SLCO1B3: variants seen among roughly 807,000 people sequenced by gnomAD.
SLCO1B3 encodes the protein liver-specific organic anion transporter 2.
A neutral mutation model predicts 71.8 loss-of-function variants in SLCO1B3; 72 were observed. That is an observed-to-expected ratio of 1.00 (90% CI 0.83 to 1.22). The LOEUF (loss-of-function observed/expected upper bound fraction) is 1.22, where lower values mean the gene tolerates loss of function less well. Ranked by LOEUF, SLCO1B3 falls within the 50% of genes most tolerant of loss-of-function variation. The pLI is 0.00. For missense variants in SLCO1B3, 911 were observed against 819.7 expected (o/e 1.11, Z -1.36); for synonymous variants, 298 against 278.4 (o/e 1.07, Z -0.70).
rs1866493232 is a variant in SLCO1B3 at position 20,916,198 on chromosome 12, A to G, written c.2060A>G (p.Asp687Gly). 6.2e-7 allele frequency: 1 copy of G among 1,612,574 alleles called. No homozygotes were observed. Among genetic ancestry groups the G allele is most frequent in the Admixed American group, 1.7e-5 (1 of 60,002 alleles). ...CATTTTGTACCTTCTGCTGGAACAG[A>G]TAGTAAAACATGTAATTTGGACATG... is the stretch of plus-strand genomic sequence containing the variant. Reference protein sequence around the residue: ...GEHFVPSAGTDSKTCNLDMQD... With the variant: ...GEHFVPSAGTGSKTCNLDMQD... The change falls in exon 16 of 16, where the codon GAT becomes GGT. Residue 687 changes from aspartate to glycine, a missense_variant. Asp to Gly is a moderately conservative substitution (Grantham distance 94). Coordinates refer to ENST00000381545, the MANE Select transcript of SLCO1B3 (RefSeq NM_019844.4).
chr12:20,870,001 A>C (rs1416272456), intron 8 of SLCO1B3, among the ~76,000 whole-genome samples: 2 of 152,182 alleles, frequency 1.3e-5, no homozygotes, highest in South Asian at 2.1e-4. Flanking sequence ...CACTTTTCTC[A>C]TTCTTTATTT....
At chr12:20,839,972 T>C (rs1038791687) in intron 3 of SLCO1B3, among the ~76,000 whole-genome samples, 1 of 152,226 alleles carries the variant, frequency 6.6e-6, no homozygotes, top group Non-Finnish European at 1.5e-5. Flanking sequence ...TACTTATTTC[T>C]GCTACAATAT....
chr12:20,833,538 A>G (rs1864590536), intron 3 of SLCO1B3, among the ~76,000 whole-genome samples: 2 of 145,170 alleles, frequency 1.4e-5, no homozygotes. Flanking sequence ...TAGTTTATAT[A>G]TGTATATTGT....
chr12:20,825,524 G>A lies in SLCO1B3; in HGVS notation c.84+9702G>A, dbSNP rs371228662. Reference sequence around the variant, plus strand: ...TAATTTAACAGAATAGGCTGGCCACGGTGGCTCATTCTTGTAATCCAGGTA... The same window carrying A: ...TAATTTAACAGAATAGGCTGGCCACAGTGGCTCATTCTTGTAATCCAGGTA... On this transcript the variant is annotated intron_variant, in intron 3 of 15. Transcript: ENST00000381545. Among the ~76,000 whole-genome samples the A allele has an allele frequency of 1.2e-3, 178 of 152,122 alleles. 4 individuals are homozygous for A. The South Asian group carries it at 0.033, about 28-fold the overall frequency.
chr12:20,901,759 G>T (rs995512884), intron 15 of SLCO1B3: 25 of 317,426 alleles, frequency 7.9e-5, no homozygotes, highest in African/African-American at 5.5e-4. Context: ...GCTAGGATTT[G>T]TACTTGAATC....
At chr12:20,884,118 C>A in intron 13 of SLCO1B3, among the ~76,000 whole-genome samples, 1 of 152,198 alleles carries the variant, frequency 6.6e-6, no homozygotes, top group East Asian at 1.9e-4. Context: ...ATAATTCATT[C>A]CTTTTTTCAC....
In SLCO1B3 at chr12:20,825,735, A is replaced by G. The variant is rs375040335; in HGVS notation, c.84+9913A>G. On this transcript the variant is annotated intron_variant, in intron 3 of 15. Transcript: ENST00000381545. ...AATTGCTTGGATTTGGGAGGCAGAGATTGCAGTGAGTCGAGATTGTGGCAC... is the reference window on the plus strand; with the variant it reads ...AATTGCTTGGATTTGGGAGGCAGAGGTTGCAGTGAGTCGAGATTGTGGCAC... 1.1e-3 allele frequency among the ~76,000 whole-genome samples: 160 copies of G among 144,746 alleles called. 4 individuals carry two copies. In the South Asian group the frequency reaches 0.035, roughly 31 times the overall value. 95.0% of individuals were successfully genotyped at this position (144,746 alleles called of 152,430 possible).
chr12:20,875,243 A>G lies in SLCO1B3; in HGVS notation c.736A>G (p.Arg246Gly), dbSNP rs149427388. Residue 246 changes from arginine (R) to glycine (G), a missense_variant, in exon 9 of 16, where the codon AGA becomes GGA. Transcript: ENST00000381545. The stretch of plus-strand genomic sequence containing the variant: ...TTAACTGTTTCTCCTAGGCACTATC[A>G]GAATAACTCCTAAGGACTCTCGTTG... ...DIGYVDLSTI[R>G]ITPKDSRWVG... 7 of 1,611,974 alleles carry G rather than the reference A, an allele frequency of 4.3e-6. No homozygotes were observed. The African/African-American group carries it at 8.0e-5, about 18-fold the overall frequency.
intron 3 of SLCO1B3, among the ~76,000 whole-genome samples, chr12:20,849,038 ATAG>A (rs1296420420): frequency 6.6e-6 from 1 of 152,124 alleles, no homozygotes; most frequent in East Asian, 1.9e-4. Flanking sequence ...GGTAAACATA[ATAG>A]TAGGGGAAAC....
chr12:20,887,230 C>T (rs553826460), intron 13 of SLCO1B3, among the ~76,000 whole-genome samples: 1 of 152,074 alleles, frequency 6.6e-6, no homozygotes, highest in Admixed American at 6.6e-5. Flanking sequence ...TTTAGGTAGA[C>T]ACCCTGTGGT....
intron 3 of SLCO1B3, among the ~76,000 whole-genome samples, chr12:20,851,977 G>A (rs1440274412): frequency 2.6e-5 from 4 of 152,126 alleles, no homozygotes; most frequent in Admixed American, 6.5e-5. Context: ...ATAGGCAACA[G>A]TTCATTTCTG....
At chr12:20,836,292 A>G (rs1046274332) in intron 3 of SLCO1B3, among the ~76,000 whole-genome samples, 1 of 152,222 alleles carries the variant, frequency 6.6e-6, no homozygotes, top group Non-Finnish European at 1.5e-5. Context: ...GTGATAGATT[A>G]CATGAATTGA....
At chr12:20,911,636 G>A (rs1234100059) in intron 15 of SLCO1B3, among the ~76,000 whole-genome samples, 1 of 152,162 alleles carries the variant, frequency 6.6e-6, no homozygotes, top group Non-Finnish European at 1.5e-5. Flanking sequence ...TATTCAGATA[G>A]TCTGTTTCTT....
At chr12:20,838,304 A>G (rs1396436954) in intron 3 of SLCO1B3, among the ~76,000 whole-genome samples, 1 of 151,642 alleles carries the variant, frequency 6.6e-6, no homozygotes, top group Non-Finnish European at 1.5e-5. Flanking sequence ...AGCATAGAAT[A>G]TTTTTCTCCA....
chr12:20,825,380 A>G (rs1007948808), intron 3 of SLCO1B3, among the ~76,000 whole-genome samples: 21 of 152,224 alleles, frequency 1.4e-4, no homozygotes, highest in Admixed American at 4.6e-4. Flanking sequence ...TGTCTCATGA[A>G]TGCAGTTTAT....
intron 15 of SLCO1B3, among the ~76,000 whole-genome samples, chr12:20,915,100 GTTCCT>G (rs1480338025): frequency 6.6e-6 from 1 of 151,762 alleles, no homozygotes; most frequent in Non-Finnish European, 1.5e-5. Flanking sequence ...TCTTTATTTT[GTTCCT>G]TTCATTTTCC....
In SLCO1B3 at chr12:20,875,301, C is replaced by A; in HGVS notation, c.794C>A (p.Ser265Tyr). Reference protein sequence around the residue: ...VGAWWLGFLVSGLFSIISSIP... With the variant: ...VGAWWLGFLVYGLFSIISSIP... ...GCTTGGTGGCTTGGTTTCCTTGTGT[C>A]TGGACTATTTTCCATTATTTCTTCC... The change falls in exon 9 of 16, where the codon TCT (serine) becomes TAT (tyrosine). Residue 265 changes from serine (S) to tyrosine (Y), a missense_variant. Transcript: ENST00000381545. The A allele has an allele frequency of 6.2e-7, 1 of 1,613,426 alleles. No individual in the cohort carries two copies. The highest frequency in any genetic ancestry group is 8.5e-7 in the Non-Finnish European group (1 of 1,179,566).
chr12:20,862,753 C>A lies in SLCO1B3; in HGVS notation c.629-3C>A. 6.3e-7 allele frequency: 1 copy of A among 1,599,420 alleles called. No homozygotes were observed. Among genetic ancestry groups the A allele is most frequent in the Non-Finnish European group, 8.5e-7 (1 of 1,170,594 alleles). On this transcript the variant is annotated splice_region_variant and splice_polypyrimidine_tract_variant and intron_variant, in intron 7 of 15. Coordinates refer to ENST00000381545, the MANE Select transcript of SLCO1B3 (RefSeq NM_019844.4). The stretch of plus-strand genomic sequence containing the variant: ...TGATTAAATTGTTTTGTAATACTTA[C>A]AGGTAGTTTGAATGCAATAGGAATG...
chr12:20,833,941 CAT>C (rs368391282), intron 3 of SLCO1B3, among the ~76,000 whole-genome samples: 3 of 146,222 alleles, frequency 2.1e-5, no homozygotes, highest in East Asian at 2.0e-4. Flanking sequence ...CATATGTACA[CAT>C]ATACATATAT....
Sources: allele counts gnomAD v4.1 joint callset (sites outside exome capture counted in the v4.1 genomes callset), GRCh38; gene constraint gnomAD v4.1.1; transcripts MANE v1.5; gene names NCBI Gene and HGNC (gene_info 2026-07-23, HGNC 2026-07-21).